SUGCT: variants seen among roughly 807,000 people sequenced by gnomAD.
SUGCT encodes the protein succinyl-CoA:glutarate-CoA transferase, also known as succinyl-CoA:glutarate CoA-transferase.
SUGCT carries 41 observed loss-of-function variants against 55.0 expected under a neutral mutation model. The observed-to-expected ratio is 0.74, with a 90% CI of 0.58 to 0.97. The LOEUF is 0.97. Among genes scored for constraint, SUGCT ranks in the 50% least tolerant of loss-of-function variants. The pLI, the probability that SUGCT is intolerant of heterozygous loss-of-function variation, is 0.00. For missense variants in SUGCT, 568 were observed against 547.8 expected, an observed-to-expected ratio of 1.04 and a Z score of -0.37; for synonymous variants, 187 against 200.4, an observed-to-expected ratio of 0.93 and a Z score of 0.56.
chr7:40,648,698 T>C (rs73122200), intron 12 of SUGCT, among the ~76,000 whole-genome samples: 3,645 of 152,352 alleles, frequency 0.024, 50 homozygotes, highest in Non-Finnish European at 0.036. Context: ...GTGTGGAAGA[T>C]GGCCCTGTGA....
At chr7:40,471,315 TA>T (rs1373453897) in intron 11 of SUGCT, among the ~76,000 whole-genome samples, 1 of 151,442 alleles carries the variant, frequency 6.6e-6, no homozygotes, top group Non-Finnish European at 1.5e-5. Context: ...TTTCTTAGAC[TA>T]AAAAAAGTAC....
At chr7:41,020,455 T>G in the SUGCT span, among the ~76,000 whole-genome samples, 1 of 152,234 alleles carries the variant, frequency 6.6e-6, no homozygotes, top group Non-Finnish European at 1.5e-5. Context: ...GTTTCATTAT[T>G]AAAACCACAG....
intron 1 of SUGCT, among the ~76,000 whole-genome samples, chr7:40,179,085 A>G (rs2150701711): frequency 6.6e-6 from 1 of 152,184 alleles, no homozygotes; most frequent in East Asian, 1.9e-4. Flanking sequence ...TTTCATTCTA[A>G]GTTTAGTAGG....
chr7:40,490,701 A>G (rs1791629564), intron 11 of SUGCT, among the ~76,000 whole-genome samples: 1 of 152,154 alleles, frequency 6.6e-6, no homozygotes, highest in Admixed American at 6.5e-5. Flanking sequence ...TGTCACTCTA[A>G]AAGAATGGAT....
intron 8 of SUGCT, among the ~76,000 whole-genome samples, chr7:40,275,263 C>A (rs1215378799): frequency 6.6e-6 from 1 of 152,172 alleles, no homozygotes; most frequent in African/African-American, 2.4e-5. Flanking sequence ...CTGTAACTTA[C>A]TTTGACTTGT....
the SUGCT span, among the ~76,000 whole-genome samples, chr7:40,930,681 C>T: frequency 6.6e-6 from 1 of 152,154 alleles, no homozygotes; most frequent in African/African-American, 2.4e-5. Flanking sequence ...CTCTTTGAAG[C>T]AATTGTGAAT....
At chr7:40,365,465 G>C (rs1783897379) in intron 9 of SUGCT, among the ~76,000 whole-genome samples, 1 of 152,038 alleles carries the variant, frequency 6.6e-6, no homozygotes, top group Non-Finnish European at 1.5e-5. Context: ...AAAAGAGGAA[G>C]TCAAATTGTC....
At chr7:40,690,327 G>A (rs11761250) in intron 12 of SUGCT, among the ~76,000 whole-genome samples, 30,493 of 152,008 alleles carry the variant, frequency 0.2, 3,196 homozygotes, top group Non-Finnish European at 0.23. Context: ...TTTATAAAAC[G>A]TTTTAGAACC....
At chr7:40,162,908 C>G (rs970297721) in intron 1 of SUGCT, among the ~76,000 whole-genome samples, 1 of 152,172 alleles carries the variant, frequency 6.6e-6, no homozygotes, top group African/African-American at 2.4e-5. Context: ...CTCATGCTGC[C>G]TCTGATGCCT....
chr7:40,873,595 A>T, the SUGCT span, among the ~76,000 whole-genome samples: 1 of 152,140 alleles, frequency 6.6e-6, no homozygotes, highest in Non-Finnish European at 1.5e-5. Context: ...TCCAAATCCA[A>T]TTTTAAAAGT....
the SUGCT span, among the ~76,000 whole-genome samples, chr7:40,961,321 C>T: frequency 1.3e-5 from 2 of 152,096 alleles, no homozygotes; most frequent in African/African-American, 4.8e-5. Flanking sequence ...ACCTGCCTTC[C>T]TAGGAAGGAG....
At chr7:40,667,373 T>G (rs1378980823) in intron 12 of SUGCT, among the ~76,000 whole-genome samples, 3 of 152,152 alleles carry the variant, frequency 2.0e-5, no homozygotes. Context: ...GATCTTTGTG[T>G]CTATGTTCAT....
intron 2 of SUGCT, 137 bp downstream of exon 2, chr7:40,181,135 C>T: frequency 1.4e-6 from 1 of 699,144 alleles, no homozygotes; most frequent in East Asian, 2.6e-5. Context: ...AGAAAAATTG[C>T]TGTAATATCA....
At chr7:40,831,842 A>G (rs1367988580) in intron 13 of SUGCT, among the ~76,000 whole-genome samples, 1 of 152,242 alleles carries the variant, frequency 6.6e-6, no homozygotes, top group African/African-American at 2.4e-5. Context: ...GATGAAGGCT[A>G]CCAGGCATAT....
At chr7:40,448,214 T>TGCCC in intron 9 of SUGCT, among the ~76,000 whole-genome samples, 1 of 100,694 alleles carries the variant, frequency 9.9e-6, no homozygotes, top group East Asian at 2.3e-4. Flanking sequence ...CCTCTCCCAG[T>TGCCC]TCCCTCCCTC....
chr7:40,287,054 C>G (rs777615985), intron 8 of SUGCT, among the ~76,000 whole-genome samples: 3 of 152,138 alleles, frequency 2.0e-5, no homozygotes, highest in African/African-American at 4.8e-5. Flanking sequence ...TCCTTGCCTG[C>G]TGAGGTGCAA....
chr7:40,318,959 G>GGT (rs144330893), intron 9 of SUGCT, among the ~76,000 whole-genome samples: 1,833 of 152,176 alleles, frequency 0.012, 28 homozygotes, highest in African/African-American at 0.042. Flanking sequence ...TGGCACCCTG[G>GGT]GTATGCCCTC....
chr7:40,145,134 A>T (rs1253220850), intron 1 of SUGCT, among the ~76,000 whole-genome samples: 2 of 152,236 alleles, frequency 1.3e-5, no homozygotes, highest in African/African-American at 4.8e-5. Context: ...CTTTAAAATT[A>T]ATGTTTCAAA....
At chr7:40,926,621 A>G in the SUGCT span, among the ~76,000 whole-genome samples, 1 of 152,078 alleles carries the variant, frequency 6.6e-6, no homozygotes, top group Non-Finnish European at 1.5e-5. Flanking sequence ...CCTCATGGTG[A>G]GATTAGTGTG....
Sources: gnomAD v4.1 joint callset for allele counts (sites outside exome capture counted in the v4.1 genomes callset) on GRCh38, gnomAD v4.1.1 for gene constraint, MANE v1.5 for transcripts, NCBI Gene and HGNC (gene_info 2026-07-23, HGNC 2026-07-21) for gene names.